Variants in LRRC31 observed in about 807,000 individuals in gnomAD.
LRRC31 encodes leucine-rich repeat-containing protein 31.
In LRRC31, 35 loss-of-function variants were observed where a neutral mutation model predicts 46.7. The observed-to-expected ratio is 0.75, with a 90% CI of 0.57 to 0.99. LRRC31 has a LOEUF of 0.99. Among genes scored for constraint, LRRC31 ranks in the 50% least tolerant of loss-of-function variants. The pLI is 0.00. For missense variants in LRRC31, 613 were observed against 626.1 expected, an observed-to-expected ratio of 0.98 and a Z score of 0.22; for synonymous variants, 236 against 235.1, an observed-to-expected ratio of 1.00 and a Z score of -0.03.
chr3:169,854,818 G>C lies in LRRC31; in HGVS notation c.986C>G (p.Ser329Ter), dbSNP rs990848232. 1 of 1,609,346 alleles carries C rather than the reference G, an allele frequency of 6.2e-7. No individual in the cohort carries two copies. The highest frequency in any genetic ancestry group is 8.5e-7 in the Non-Finnish European group (1 of 1,176,300). Residue 329 changes from serine (S) to a stop codon, truncating the protein, a stop_gained, in exon 6 of 9, where the codon TCA becomes TGA. Transcript: ENST00000316428. LOFTEE classifies it high-confidence loss of function. Reference protein sequence around the residue: ...QCSLTADDVMSLTQVIPLLSN... With the variant: ...QCSLTADDVM ...GCTCTGCAATATATACTTACTCAGT[G>C]ACATCACGTCATCTGCTGTTAGTGA...
intron 1 of LRRC31, among the ~76,000 whole-genome samples, chr3:169,864,937 C>G (rs1028350759): frequency 1.3e-5 from 2 of 152,030 alleles, no homozygotes; most frequent in African/African-American, 4.8e-5. Context: ...ATTTGCCAGG[C>G]GTACTGGCAT....
intron 7 of LRRC31, among the ~76,000 whole-genome samples, chr3:169,849,754 C>T (rs969445022): frequency 4.6e-5 from 7 of 152,228 alleles, no homozygotes; most frequent in Non-Finnish European, 7.3e-5. Flanking sequence ...AGCTACCCTC[C>T]GCTCAGCATA....
intron 1 of LRRC31, among the ~76,000 whole-genome samples, chr3:169,866,998 A>AT (rs200123445): frequency 0.26 from 32,306 of 125,728 alleles, 3,983 homozygotes; most frequent in East Asian, 0.47. Flanking sequence ...CCATGGGTTG[A>AT]TTTTTTTTTT....
At chr3:169,844,723 G>C (rs1228796118) in intron 8 of LRRC31, among the ~76,000 whole-genome samples, 3 of 152,156 alleles carry the variant, frequency 2.0e-5, no homozygotes, top group Admixed American at 2.0e-4. Flanking sequence ...CACGAGGTCA[G>C]GAGATCGAGA....
intron 7 of LRRC31, among the ~76,000 whole-genome samples, chr3:169,849,852 C>T (rs931994725): frequency 7.2e-5 from 11 of 152,182 alleles, no homozygotes; most frequent in Admixed American, 5.9e-4. Flanking sequence ...AGTAAACCAC[C>T]CTTCTCAGTT....
At chr3:169,844,188 T>C (rs1038290828) in intron 8 of LRRC31, among the ~76,000 whole-genome samples, 2 of 152,136 alleles carry the variant, frequency 1.3e-5, no homozygotes, top group African/African-American at 2.4e-5. Flanking sequence ...CTTGTGAACA[T>C]AGGCACAAAT....
At chr3:169,861,876 A>G in intron 1 of LRRC31, 63 bp from the exon 2 acceptor site, 2 of 1,514,558 alleles carry the variant, frequency 1.3e-6, no homozygotes, top group Non-Finnish European at 1.8e-6. Context: ...ATGCATAATG[A>G]CCACAATCAG....
chr3:169,849,449 C>CT lies in LRRC31; in HGVS notation c.1160-1163dup, dbSNP rs201838569. Among the ~76,000 whole-genome samples the CT allele has an allele frequency of 2.6e-5, 4 of 152,234 alleles. No homozygotes were observed. The East Asian group carries it at 5.8e-4, about 22-fold the overall frequency. ...CTGTGCCTTCTAATGGCTGCAATTC[C>CT]TTTAAAAAAAAAATATTTTCCCAGA... On this transcript the variant is annotated intron_variant, in intron 7 of 8. Coordinates refer to ENST00000316428, the MANE Select transcript of LRRC31 (RefSeq NM_024727.4).
chr3:169,854,864 C>A lies in LRRC31; in HGVS notation c.940G>T (p.Val314Phe). ...AQLVMLKHLQVLDLHQCSLTA... is the reference protein window; with the variant it reads ...AQLVMLKHLQFLDLHQCSLTA... Reference sequence around the variant, plus strand: ...AGTGAGCACTGGTGAAGATCTAGGACTTGTAGATGCTTTAGCATGACCAAC... The same window carrying A: ...AGTGAGCACTGGTGAAGATCTAGGAATTGTAGATGCTTTAGCATGACCAAC... The change falls in exon 6 of 9, where the codon GTC becomes TTC. Residue 314 changes from valine to phenylalanine, a missense_variant. By Grantham distance (50) the Val-to-Phe change is conservative (BLOSUM62 -1). Coordinates refer to ENST00000316428, the MANE Select transcript of LRRC31 (RefSeq NM_024727.4). 1 of 1,613,798 alleles carries A rather than the reference C, an allele frequency of 6.2e-7. No homozygotes were observed. The highest frequency in any genetic ancestry group is 8.5e-7 in the Non-Finnish European group (1 of 1,179,822).
intron 8 of LRRC31, among the ~76,000 whole-genome samples, chr3:169,843,874 A>G (rs957060068): frequency 6.6e-6 from 1 of 152,200 alleles, no homozygotes; most frequent in African/African-American, 2.4e-5. Flanking sequence ...CTTAAAAGAC[A>G]CTATCAGAAC....
intron 8 of LRRC31, among the ~76,000 whole-genome samples, chr3:169,846,913 G>T (rs1190890096): frequency 6.6e-6 from 1 of 152,118 alleles, no homozygotes; most frequent in Non-Finnish European, 1.5e-5. Flanking sequence ...AAGTCCTGTG[G>T]TTATTACTGA....
At chr3:169,866,161 A>G (rs1007019596) in intron 1 of LRRC31, among the ~76,000 whole-genome samples, 1 of 152,204 alleles carries the variant, frequency 6.6e-6, no homozygotes, top group Non-Finnish European at 1.5e-5. Context: ...AAAGAGCATT[A>G]TGGCAGTGTA....
At chr3:169,843,050 CTA>C (rs976698702) in intron 8 of LRRC31, among the ~76,000 whole-genome samples, 2 of 152,130 alleles carry the variant, frequency 1.3e-5, no homozygotes, top group African/African-American at 2.4e-5. Context: ...TTAGCTTAGG[CTA>C]TATGGCACAC....
At chr3:169,862,842 T>G (rs1336209285) in intron 1 of LRRC31, among the ~76,000 whole-genome samples, 1 of 152,140 alleles carries the variant, frequency 6.6e-6, no homozygotes, top group African/African-American at 2.4e-5. Flanking sequence ...ATGTACTCGT[T>G]CTTTGCCTAC....
At chr3:169,846,757 A>G (rs1780616979) in intron 8 of LRRC31, among the ~76,000 whole-genome samples, 1 of 152,200 alleles carries the variant, frequency 6.6e-6, no homozygotes, top group Non-Finnish European at 1.5e-5. Context: ...GGCCACTTCT[A>G]CAAACTTCAG....
intron 4 of LRRC31, 47 bp downstream of exon 4, chr3:169,856,657 TC>T: frequency 6.6e-7 from 1 of 1,518,226 alleles, no homozygotes; most frequent in Admixed American, 2.1e-5. Flanking sequence ...TCCCAAGCTA[TC>T]CAGTGGGCAT....
intron 7 of LRRC31, among the ~76,000 whole-genome samples, chr3:169,850,309 CGAGTATTTTG>C (rs1780718825): frequency 6.6e-6 from 1 of 152,138 alleles, no homozygotes; most frequent in Admixed American, 6.6e-5. Context: ...TTGCTCAGCT[CGAGTATTTTG>C]CTCAGCTCGC....
chr3:169,847,310 C>T (rs1474888509), intron 8 of LRRC31, among the ~76,000 whole-genome samples: 4 of 152,170 alleles, frequency 2.6e-5, no homozygotes, highest in African/African-American at 7.2e-5. Context: ...CTCAGCCTCC[C>T]GAGTAGCTGG....
intron 1 of LRRC31, among the ~76,000 whole-genome samples, chr3:169,868,408 C>A (rs1224656205): frequency 6.6e-6 from 1 of 152,212 alleles, no homozygotes; most frequent in Non-Finnish European, 1.5e-5. Flanking sequence ...CCTCCACCCC[C>A]ATCTAAATAG....
Sources: allele counts gnomAD v4.1 joint callset (sites outside exome capture counted in the v4.1 genomes callset), GRCh38; gene constraint gnomAD v4.1.1; transcripts MANE v1.5; gene names NCBI Gene and HGNC (gene_info 2026-07-23, HGNC 2026-07-21).